IL18: variants seen among roughly 807,000 people sequenced by gnomAD.
IL18 encodes the protein interleukin-18.
IL18 carries 8 observed loss-of-function variants against 14.2 expected under a neutral mutation model. That is an observed-to-expected ratio of 0.56 (90% CI 0.33 to 1.01). The LOEUF (loss-of-function observed/expected upper bound fraction) is 1.01. Ranked by LOEUF, IL18 falls within the 50% of genes least tolerant of loss-of-function variation. The probability of loss-of-function intolerance (pLI) is 0.03; values close to 1 mark genes in which losing one functional copy is unlikely to be tolerated. For synonymous variants in IL18, 67 were observed against 71.0 expected, an observed-to-expected ratio of 0.94 and a Z score of 0.28; for missense variants, 166 against 231.1, an observed-to-expected ratio of 0.72 and a Z score of 1.83.
chr11:112,159,752 T>C (rs1267138080), intron 1 of IL18, among the ~76,000 whole-genome samples: 2 of 152,188 alleles, frequency 1.3e-5, no homozygotes, highest in African/African-American at 4.8e-5. Flanking sequence ...AACTTGTTCA[T>C]TGAATTTGGC....
In IL18 at chr11:112,143,354, C is replaced by T; in HGVS notation, c.*242G>A. 1 of 350,592 alleles carries T rather than the reference C, an allele frequency of 2.9e-6. No individual in the cohort carries two copies. The highest frequency in any genetic ancestry group is 5.2e-6 in the Non-Finnish European group (1 of 192,968). 21.7% of individuals were successfully genotyped at this position (350,592 alleles called of 1,614,324 possible). On this transcript the variant is annotated 3_prime_UTR_variant, in exon 6 of 6. Coordinates refer to ENST00000280357, the MANE Select transcript of IL18 (RefSeq NM_001562.4). ...AGAGCGCAATGGTGCAATCTCGGCT[C>T]ACCACAACCTCTACCTCCGGAGTGC...
At chr11:112,145,832 C>T (rs767422272) in intron 5 of IL18, among the ~76,000 whole-genome samples, 3 of 152,144 alleles carry the variant, frequency 2.0e-5, no homozygotes, top group Non-Finnish European at 4.4e-5. Context: ...TTTAATCACA[C>T]TTATTGCACA....
chr11:112,146,471 C>A (rs893678922), intron 5 of IL18, among the ~76,000 whole-genome samples: 1 of 152,166 alleles, frequency 6.6e-6, no homozygotes, highest in African/African-American at 2.4e-5. Context: ...CAGGTGCATG[C>A]CACCATGCCT....
chr11:112,143,834 A>G lies in IL18; in HGVS notation c.361-17T>C. 7.0e-7 allele frequency: 1 copy of G among 1,428,520 alleles called. No individual in the cohort carries two copies. Among genetic ancestry groups the G allele is most frequent in the Non-Finnish European group, 9.7e-7 (1 of 1,027,654 alleles). The allele number at this position is 1,428,520 out of a possible 1,614,324, so 88.5% of individuals were successfully genotyped here. A position where few individuals can be genotyped will look rare whatever the true frequency, so the allele number is the denominator to read the frequency against. ...ATTCATTTCCTATAGAGAAAAAAAC[A>G]TTACCTAATTATTTCAGGACATGAA... On this transcript the variant is annotated splice_polypyrimidine_tract_variant and intron_variant, in intron 5 of 5. Transcript: ENST00000280357.
At chr11:112,152,647 C>T (rs1866462666) in intron 3 of IL18, among the ~76,000 whole-genome samples, 1 of 152,158 alleles carries the variant, frequency 6.6e-6, no homozygotes, top group Non-Finnish European at 1.5e-5. Flanking sequence ...ATGAGCCTGA[C>T]TTCTCTTGAC....
At chr11:112,156,302 T>G (rs997431733) in intron 1 of IL18, among the ~76,000 whole-genome samples, 6 of 152,198 alleles carry the variant, frequency 3.9e-5, no homozygotes, top group Non-Finnish European at 7.3e-5. Context: ...TTGTATAATT[T>G]TGGCCTCCCA....
intron 1 of IL18, among the ~76,000 whole-genome samples, chr11:112,163,689 G>A (rs2135328810): frequency 6.6e-6 from 1 of 152,170 alleles, no homozygotes; most frequent in East Asian, 1.9e-4. Context: ...GAACATGAGA[G>A]CAAAAAGTTT....
chr11:112,149,965 G>C, intron 4 of IL18, 107 bp downstream of exon 4: 2 of 1,029,134 alleles, frequency 1.9e-6, no homozygotes, highest in Non-Finnish European at 2.8e-6. Context: ...TGTCACTCCT[G>C]TGACTTTTCA....
At chr11:112,160,278 C>T (rs1866606570) in intron 1 of IL18, among the ~76,000 whole-genome samples, 1 of 148,606 alleles carries the variant, frequency 6.7e-6, no homozygotes, top group Non-Finnish European at 1.5e-5. Context: ...CACAGTTATT[C>T]TCTCTGCCAG....
At chr11:112,146,890 GAA>G (rs1866352680) in intron 5 of IL18, among the ~76,000 whole-genome samples, 1 of 65,452 alleles carries the variant, frequency 1.5e-5, no homozygotes, top group African/African-American at 5.8e-5. Context: ...ATTAAAATTT[GAA>G]TTAAATTATT....
At position 112,143,739 on chromosome 11, in the gene IL18, T is replaced by A; in HGVS notation, c.439A>T (p.Asn147Tyr). Residue 147 changes from asparagine (N) to tyrosine (Y), a missense_variant, in exon 6 of 6, where the codon AAT becomes TAT. Transcript: ENST00000280357. ...FFQRSVPGHD[N>Y]KMQFESSSYE... Reference sequence around the variant, plus strand: ...GATGAAGATTCAAATTGCATCTTATTATCATGTCCTGGGACACTTCTCTGA... The same window carrying A: ...GATGAAGATTCAAATTGCATCTTATAATCATGTCCTGGGACACTTCTCTGA... 6.2e-7 allele frequency: 1 copy of A among 1,612,900 alleles called. No homozygotes were observed. Among genetic ancestry groups the A allele is most frequent in the Non-Finnish European group, 8.5e-7 (1 of 1,178,940 alleles).
chr11:112,159,824 G>A (rs1441600788), intron 1 of IL18, among the ~76,000 whole-genome samples: 2 of 152,174 alleles, frequency 1.3e-5, no homozygotes, highest in Non-Finnish European at 2.9e-5. Flanking sequence ...CAGATGGTAG[G>A]TGGACAAATA....
intron 4 of IL18, among the ~76,000 whole-genome samples, chr11:112,149,620 G>C (rs976560432): frequency 1.4e-5 from 2 of 142,964 alleles, no homozygotes; most frequent in Non-Finnish European, 3.0e-5. Context: ...ACCCAGGCTG[G>C]AGTGCAGTGG....
chr11:112,160,383 T>C (rs1866609632), intron 1 of IL18, among the ~76,000 whole-genome samples: 1 of 150,622 alleles, frequency 6.6e-6, no homozygotes, highest in African/African-American at 2.4e-5. Context: ...ATAGTTCCTC[T>C]AGGAAAACTT....
intron 3 of IL18, among the ~76,000 whole-genome samples, chr11:112,151,623 C>A (rs903423410): frequency 5.9e-5 from 9 of 152,180 alleles, no homozygotes; most frequent in South Asian, 2.1e-4. Context: ...TTATCTGTAT[C>A]ATTTCTTCAC....
chr11:112,161,631 T>C (rs556936192), intron 1 of IL18, among the ~76,000 whole-genome samples: 7 of 152,220 alleles, frequency 4.6e-5, no homozygotes, highest in African/African-American at 1.4e-4. Flanking sequence ...AAACCCTGTT[T>C]CTACTAAAAA....
At chr11:112,145,505 T>C (rs978158929) in intron 5 of IL18, among the ~76,000 whole-genome samples, 4 of 152,176 alleles carry the variant, frequency 2.6e-5, no homozygotes, top group Admixed American at 1.3e-4. Context: ...TTTGGGAGGC[T>C]GAGGCGGGCG....
chr11:112,144,319 A>G (rs1866299435), intron 5 of IL18, among the ~76,000 whole-genome samples: 2 of 152,164 alleles, frequency 1.3e-5, no homozygotes, highest in Admixed American at 6.5e-5. Flanking sequence ...TGCAGCCTTG[A>G]ATTCCTGGGC....
chr11:112,162,637 AC>A (rs1483868870), intron 1 of IL18, among the ~76,000 whole-genome samples: 1 of 152,056 alleles, frequency 6.6e-6, no homozygotes, highest in Non-Finnish European at 1.5e-5. Context: ...GAGCCACTGC[AC>A]CCAACCTGTG....
Sources: gnomAD v4.1 joint callset for allele counts (sites outside exome capture counted in the v4.1 genomes callset) on GRCh38, gnomAD v4.1.1 for gene constraint, MANE v1.5 for transcripts, NCBI Gene and HGNC (gene_info 2026-07-23, HGNC 2026-07-21) for gene names.